The following PDGFD variants were observed in gnomAD, a reference collection of about 807,000 sequenced individuals.
PDGFD encodes platelet derived growth factor D, also known as platelet-derived growth factor D.
In PDGFD, 30 loss-of-function variants were observed where a neutral mutation model predicts 44.7. The ratio of observed to expected loss-of-function variants is 0.67; its 90% CI spans 0.50 to 0.91. The LOEUF (loss-of-function observed/expected upper bound fraction) is 0.91. Ranked by LOEUF, PDGFD falls within the 40% of genes least tolerant of loss-of-function variation. PDGFD has a pLI of 0.00. For synonymous variants in PDGFD, 173 were observed against 168.4 expected, an observed-to-expected ratio of 1.03 and a Z score of -0.21; for missense variants, 445 against 457.8, an observed-to-expected ratio of 0.97 and a Z score of 0.25.
intron 1 of PDGFD, among the ~76,000 whole-genome samples, chr11:104,039,932 A>G (rs146216084): frequency 2.8e-4 from 42 of 152,260 alleles, no homozygotes; most frequent in Middle Eastern, 3.4e-3. Context: ...AAGACAGTTC[A>G]CATGATACCA....
At chr11:104,162,946 G>C (rs1270255885) in intron 1 of PDGFD, among the ~76,000 whole-genome samples, 1 of 152,170 alleles carries the variant, frequency 6.6e-6, no homozygotes, top group Non-Finnish European at 1.5e-5. Context: ...GGGAACATCA[G>C]CTACAGTTTT....
At chr11:104,036,987 C>G (rs1413159820) in intron 1 of PDGFD, 2 of 1,614,152 alleles carry the variant, frequency 1.2e-6, no homozygotes, top group African/African-American at 2.7e-5. Context: ...GACTCCTCAT[C>G]GAGGACCACT....
At chr11:103,919,317 T>G in intron 6 of PDGFD, among the ~76,000 whole-genome samples, 1 of 152,196 alleles carries the variant, frequency 6.6e-6, no homozygotes, top group South Asian at 2.1e-4. Context: ...CTATTTACAC[T>G]AATAAAACAA....
intron 1 of PDGFD, among the ~76,000 whole-genome samples, chr11:104,048,600 C>T (rs1049982042): frequency 6.6e-6 from 1 of 152,138 alleles, no homozygotes; most frequent in African/African-American, 2.4e-5. Flanking sequence ...TCTAAGTCAC[C>T]TCTTTTTCCT....
At chr11:104,110,322 A>C in intron 1 of PDGFD, among the ~76,000 whole-genome samples, 1 of 152,088 alleles carries the variant, frequency 6.6e-6, no homozygotes, top group East Asian at 1.9e-4. Context: ...AAATTAAATT[A>C]AAGAATTGAG....
At chr11:104,161,851 A>T (rs1416458435) in intron 1 of PDGFD, among the ~76,000 whole-genome samples, 2 of 152,132 alleles carry the variant, frequency 1.3e-5, no homozygotes, top group Non-Finnish European at 2.9e-5. Flanking sequence ...ATATAAAACA[A>T]ATTTTAATGT....
chr11:104,110,407 G>C (rs1462939679), intron 1 of PDGFD, among the ~76,000 whole-genome samples: 1 of 150,844 alleles, frequency 6.6e-6, no homozygotes, highest in East Asian at 1.9e-4. Flanking sequence ...AGTTATCTCA[G>C]ACCTCCGAAA....
At chr11:104,004,669 A>T (rs948866392) in intron 1 of PDGFD, among the ~76,000 whole-genome samples, 2 of 152,088 alleles carry the variant, frequency 1.3e-5, no homozygotes, top group South Asian at 2.1e-4. Flanking sequence ...TCCTTAAAAA[A>T]TTCTGCCAAA....
intron 1 of PDGFD, chr11:104,038,300 G>A (rs1429686434): frequency 5.4e-6 from 2 of 370,342 alleles, no homozygotes; most frequent in African/African-American, 2.0e-5. Flanking sequence ...TCTTCCTTTA[G>A]AGACACTATC....
chr11:104,010,903 C>A (rs982376790), intron 1 of PDGFD, among the ~76,000 whole-genome samples: 1 of 151,988 alleles, frequency 6.6e-6, no homozygotes, highest in African/African-American at 2.4e-5. Context: ...TAACTTAACA[C>A]CCAGAAAATA....
At chr11:103,963,422 A>G (rs1858968707) in intron 3 of PDGFD, among the ~76,000 whole-genome samples, 1 of 152,186 alleles carries the variant, frequency 6.6e-6, no homozygotes, top group South Asian at 2.1e-4. Flanking sequence ...ATCATTAGAT[A>G]AAAGAATGTG....
rs537568789 is a variant in PDGFD at position 104,128,193 on chromosome 11, A to C, written c.124+35611T>G. On this transcript the variant is annotated intron_variant, in intron 1 of 6. Transcript: ENST00000393158. ...ACCTGAGAAGGAGAGACGAGTATAAAGGGACATTACCTGTGCCCATTGAAA... is the reference window on the plus strand; with the variant it reads ...ACCTGAGAAGGAGAGACGAGTATAACGGGACATTACCTGTGCCCATTGAAA... Among the ~76,000 whole-genome samples the C allele has an allele frequency of 5.9e-5, 9 of 151,882 alleles. No individual in the cohort carries two copies. In the East Asian group the frequency reaches 1.7e-3, roughly 30 times the overall value.
At chr11:103,971,683 A>G (rs1444976014) in intron 3 of PDGFD, among the ~76,000 whole-genome samples, 2 of 152,230 alleles carry the variant, frequency 1.3e-5, no homozygotes, top group Non-Finnish European at 2.9e-5. Flanking sequence ...GCCACAAAAC[A>G]AGAACCTAGG....
At chr11:104,157,206 G>A (rs1862319354) in intron 1 of PDGFD, among the ~76,000 whole-genome samples, 1 of 152,196 alleles carries the variant, frequency 6.6e-6, no homozygotes, top group Non-Finnish European at 1.5e-5. Context: ...GGGATATCAT[G>A]AGGGCACCAA....
intron 6 of PDGFD, among the ~76,000 whole-genome samples, chr11:103,926,036 T>C (rs1334702797): frequency 6.6e-6 from 1 of 152,110 alleles, no homozygotes; most frequent in Non-Finnish European, 1.5e-5. Flanking sequence ...GCCTATCTTT[T>C]ATGCTCAATA....
chr11:104,130,848 T>C (rs1448263834), intron 1 of PDGFD, among the ~76,000 whole-genome samples: 1 of 152,192 alleles, frequency 6.6e-6, no homozygotes, highest in Non-Finnish European at 1.5e-5. Context: ...TCTGATACTT[T>C]TGGTTTATTA....
At chr11:104,040,968 T>C (rs1227826195) in intron 1 of PDGFD, among the ~76,000 whole-genome samples, 2 of 152,020 alleles carry the variant, frequency 1.3e-5, no homozygotes, top group African/African-American at 4.8e-5. Context: ...GATTGCTCTA[T>C]TCAGAGCTTT....
At chr11:104,031,577 C>T (rs1446362601) in intron 1 of PDGFD, among the ~76,000 whole-genome samples, 1 of 152,108 alleles carries the variant, frequency 6.6e-6, no homozygotes, top group African/African-American at 2.4e-5. Context: ...TTGTGGAAGG[C>T]AATGTGGCGA....
At chr11:103,916,349 A>G (rs1858125151) in intron 6 of PDGFD, among the ~76,000 whole-genome samples, 1 of 152,214 alleles carries the variant, frequency 6.6e-6, no homozygotes, top group African/African-American at 2.4e-5. Context: ...CCTCATCATC[A>G]TTGGTCGTTA....
Sources: gnomAD v4.1 joint callset for allele counts (sites outside exome capture counted in the v4.1 genomes callset) on GRCh38, gnomAD v4.1.1 for gene constraint, MANE v1.5 for transcripts, NCBI Gene and HGNC (gene_info 2026-07-23, HGNC 2026-07-21) for gene names.